ITGA11: variants seen among roughly 807,000 people sequenced by gnomAD.
The protein encoded by ITGA11 is integrin alpha-11.
In ITGA11, 97 loss-of-function variants were observed where a neutral mutation model predicts 141.9. The ratio of observed to expected loss-of-function variants is 0.68; its 90% CI spans 0.58 to 0.81. The LOEUF (loss-of-function observed/expected upper bound fraction) is 0.81. ITGA11 is among the 30% of genes least tolerant of loss of function. The pLI is 0.00. For synonymous variants in ITGA11, 658 were observed against 624.6 expected (o/e 1.05, Z -0.80); for missense variants, 1,387 against 1,559.2 (o/e 0.89, Z 1.86).
intron 1 of ITGA11, among the ~76,000 whole-genome samples, chr15:68,429,644 C>T (rs549940632): frequency 6.6e-6 from 1 of 152,150 alleles, no homozygotes; most frequent in East Asian, 1.9e-4. Context: ...ACATTGAATT[C>T]ATGTGATGCA....
chr15:68,375,928 C>T (rs753667185), intron 2 of ITGA11, among the ~76,000 whole-genome samples: 2 of 152,108 alleles, frequency 1.3e-5, no homozygotes, highest in Admixed American at 1.3e-4. Context: ...TCCAATCAGT[C>T]GAAGGGCAGA....
At chr15:68,392,156 C>A (rs1896137126) in intron 2 of ITGA11, among the ~76,000 whole-genome samples, 1 of 152,110 alleles carries the variant, frequency 6.6e-6, no homozygotes, top group Non-Finnish European at 1.5e-5. Flanking sequence ...TCTATGGGGG[C>A]AGCTTATGTA....
At chr15:68,376,969 T>G (rs1895745603) in intron 2 of ITGA11, among the ~76,000 whole-genome samples, 1 of 152,168 alleles carries the variant, frequency 6.6e-6, no homozygotes, top group South Asian at 2.1e-4. Context: ...AAGGATCTGC[T>G]AAGGAAGCAG....
chr15:68,410,727 T>C (rs1896754253), intron 1 of ITGA11, among the ~76,000 whole-genome samples: 1 of 152,116 alleles, frequency 6.6e-6, no homozygotes, highest in African/African-American at 2.4e-5. Context: ...AATGCTAGAT[T>C]TGGGAGCATT....
At chr15:68,331,160 G>T in intron 14 of ITGA11, 49 bp from the exon 15 acceptor site, 2 of 1,522,650 alleles carry the variant, frequency 1.3e-6, no homozygotes, top group Non-Finnish European at 8.9e-7. Context: ...TGTGAGTGTG[G>T]GGGCGGGCGT....
At position 68,326,612 on chromosome 15, in the gene ITGA11, C is replaced by T. The variant is rs1424752970; in HGVS notation, c.2211+42G>A. Reference sequence around the variant, plus strand: ...GCCTCTCCCACGGCAGATGCTCCTTCCTATAGGAGCTTGGGCTCTGCTGGT... The same window carrying T: ...GCCTCTCCCACGGCAGATGCTCCTTTCTATAGGAGCTTGGGCTCTGCTGGT... On this transcript the variant is annotated intron_variant, in intron 17 of 29. Coordinates refer to ENST00000315757, the MANE Select transcript of ITGA11 (RefSeq NM_001004439.2). The surrounding 1 kb of genome is among the most constrained non-coding windows in gnomAD (Gnocchi z 6.8). 2 of 1,544,746 alleles carry T rather than the reference C, an allele frequency of 1.3e-6. No individual in the cohort carries two copies. The highest frequency in any genetic ancestry group is 1.8e-6 in the Non-Finnish European group (2 of 1,142,406).
rs781066105 is a variant in ITGA11 at position 68,311,319 on chromosome 15, G to C, written c.3058C>G (p.Leu1020Val). 6.3e-7 allele frequency: 1 copy of C among 1,576,154 alleles called. No homozygotes were observed. Among genetic ancestry groups the C allele is most frequent in the East Asian group, 2.3e-5 (1 of 43,092 alleles). The change falls in exon 25 of 30, where the codon CTG (leucine) becomes GTG (valine). Residue 1020 changes from leucine (L) to valine (V), a missense_variant. Coordinates refer to ENST00000315757, the MANE Select transcript of ITGA11 (RefSeq NM_001004439.2). Reference sequence around the variant, plus strand: ...TCCGTGAGGAAGTCCCTCAGCTTCAGTAGGCGGTTGCCGCTCCTGGTGGCG... The same window carrying C: ...TCCGTGAGGAAGTCCCTCAGCTTCACTAGGCGGTTGCCGCTCCTGGTGGCG... ...PIATRSGNRL[L>V]KLRDFLTDEA...
chr15:68,396,561 T>C (rs929474190), intron 2 of ITGA11, among the ~76,000 whole-genome samples: 3 of 151,788 alleles, frequency 2.0e-5, no homozygotes, highest in Non-Finnish European at 2.9e-5. Flanking sequence ...GACCTTGCAC[T>C]GAAGATCTTA....
intron 2 of ITGA11, among the ~76,000 whole-genome samples, chr15:68,398,599 T>G (rs1005625086): frequency 8.2e-6 from 1 of 121,592 alleles, no homozygotes; most frequent in African/African-American, 2.7e-5. Context: ...TTAAATATAA[T>G]ATAAATATAA....
At chr15:68,349,538 G>A (rs1340573253) in intron 9 of ITGA11, among the ~76,000 whole-genome samples, 1 of 152,160 alleles carries the variant, frequency 6.6e-6, no homozygotes, top group Non-Finnish European at 1.5e-5. Context: ...CAAAGCTCAC[G>A]TTCAGACTTT....
At chr15:68,348,169 G>A (rs1412846693) in intron 10 of ITGA11, among the ~76,000 whole-genome samples, 11 of 152,166 alleles carry the variant, frequency 7.2e-5, no homozygotes, top group South Asian at 2.1e-4. Flanking sequence ...AGCACACAGC[G>A]GGGGAGTGAT....
intron 2 of ITGA11, among the ~76,000 whole-genome samples, chr15:68,382,480 G>A (rs1895887113): frequency 6.6e-6 from 1 of 152,164 alleles, no homozygotes; most frequent in South Asian, 2.1e-4. Flanking sequence ...TTTAACACAA[G>A]GACATCCAGC....
chr15:68,307,559 CCAG>C lies in ITGA11; in HGVS notation c.3285+24_3285+26del. The C allele has an allele frequency of 6.4e-7, 1 of 1,569,872 alleles. No homozygotes were observed. Among genetic ancestry groups the C allele is most frequent in the Non-Finnish European group, 8.7e-7 (1 of 1,145,338 alleles). ...AGCCGCCCCCTTTCCCTTCTTCCTT[CCAG>C]CCCAGCCCAGGGGCTCTACTTACTG... On this transcript the variant is annotated intron_variant, in intron 27 of 29. Coordinates refer to ENST00000315757, the MANE Select transcript of ITGA11 (RefSeq NM_001004439.2). The surrounding 1 kb of genome is among the most constrained non-coding windows in gnomAD (Gnocchi z 6.1).
chr15:68,378,080 G>T (rs1484173514), intron 2 of ITGA11, among the ~76,000 whole-genome samples: 1 of 152,254 alleles, frequency 6.6e-6, no homozygotes, highest in African/African-American at 2.4e-5. Flanking sequence ...GGGTGTGCAG[G>T]CTGGAGTGTC....
chr15:68,404,179 G>C (rs1024793481), intron 1 of ITGA11, among the ~76,000 whole-genome samples: 1 of 151,254 alleles, frequency 6.6e-6, no homozygotes, highest in African/African-American at 2.4e-5. Flanking sequence ...TCCCCTATCT[G>C]CTGAAGAGTC....
chr15:68,396,981 ATT>A (rs1164421384), intron 2 of ITGA11, among the ~76,000 whole-genome samples: 1 of 49,874 alleles, frequency 2.0e-5, no homozygotes, highest in Non-Finnish European at 3.2e-5. Context: ...TATATTATAT[ATT>A]ATTTATTATA....
At chr15:68,350,847 C>T (rs539467775) in intron 8 of ITGA11, 65 bp from the exon 9 acceptor site, 32 of 1,511,398 alleles carry the variant, frequency 2.1e-5, no homozygotes, top group African/African-American at 9.7e-5. Flanking sequence ...ATACACCACA[C>T]GGCCTAGACC....
chr15:68,380,785 C>T (rs1229105546), intron 2 of ITGA11, among the ~76,000 whole-genome samples: 5 of 152,164 alleles, frequency 3.3e-5, no homozygotes, highest in Non-Finnish European at 7.4e-5. Context: ...CAATTCCCTG[C>T]CTTCATGGAG....
At chr15:68,310,955 A>T (rs774128492) in intron 26 of ITGA11, 39 bp downstream of exon 26, 2 of 1,520,762 alleles carry the variant, frequency 1.3e-6, no homozygotes, top group Non-Finnish European at 1.8e-6. Context: ...CACGCCTCTA[A>T]CCCCAACCAC....
Sources: gnomAD v4.1 joint callset for allele counts (sites outside exome capture counted in the v4.1 genomes callset) on GRCh38, gnomAD v4.1.1 for gene constraint, Gnocchi (gnomAD v3.1) non-coding constraint, MANE v1.5 for transcripts, NCBI Gene and HGNC (gene_info 2026-07-23, HGNC 2026-07-21) for gene names.